The following ALDH1L1 variants were observed in gnomAD, a reference collection of about 807,000 sequenced individuals.
ALDH1L1 encodes aldehyde dehydrogenase 1 family member L1, also known as cytosolic 10-formyltetrahydrofolate dehydrogenase.
In ALDH1L1, 68 loss-of-function variants were observed where a neutral mutation model predicts 101.1. The observed-to-expected ratio is 0.67, with a 90% CI of 0.55 to 0.82. The LOEUF (loss-of-function observed/expected upper bound fraction) is 0.82. ALDH1L1 is among the 40% of genes least tolerant of loss of function. ALDH1L1 has a pLI of 0.00. For synonymous variants in ALDH1L1, 486 were observed against 470.8 expected, an observed-to-expected ratio of 1.03 and a Z score of -0.42; for missense variants, 1,087 against 1,172.7, an observed-to-expected ratio of 0.93 and a Z score of 1.07.
At chr3:126,196,887 G>A (rs903001529) in intron 1 of ALDH1L1, among the ~76,000 whole-genome samples, 1 of 152,164 alleles carries the variant, frequency 6.6e-6, no homozygotes, top group Non-Finnish European at 1.5e-5. Context: ...CTACAATACT[G>A]GGCAGTCTCC....
At chr3:126,170,629 A>T (rs1052992184) in intron 1 of ALDH1L1, among the ~76,000 whole-genome samples, 3 of 151,394 alleles carry the variant, frequency 2.0e-5, no homozygotes, top group Non-Finnish European at 2.9e-5. Context: ...AGACCAAAAA[A>T]CTCTCCACCC....
Position 126,171,821 on chromosome 3 carries a change from C to T in ALDH1L1, c.-24+8655G>A, listed in dbSNP as rs557282993. Among the ~76,000 whole-genome samples, 3 of 152,292 alleles carry T rather than the reference C, an allele frequency of 2.0e-5. No homozygotes were observed. In the South Asian group the frequency reaches 6.2e-4, roughly 32 times the overall value. On this transcript the variant is annotated intron_variant, in intron 1 of 22. Coordinates refer to ENST00000393434, the MANE Select transcript of ALDH1L1 (RefSeq NM_012190.4). ...GACTGAGAAACACTTGTGAAGGTCA[C>T]AGCCCAGGGGTGCAGGCTCACTGAA...
chr3:126,124,291 G>T, intron 16 of ALDH1L1, 73 bp downstream of exon 16: 1 of 1,368,254 alleles, frequency 7.3e-7, no homozygotes, highest in Non-Finnish European at 1.0e-6. Flanking sequence ...CCACTATCCA[G>T]TAGGGCCTGC....
At position 126,116,242 on chromosome 3, in the gene ALDH1L1, C is replaced by CTATT. The variant is rs575700824; in HGVS notation, c.1983-1590_1983-1587dup. 4.4e-3 allele frequency among the ~76,000 whole-genome samples: 650 copies of CTATT among 149,298 alleles called. 3 individuals carry two copies. Among genetic ancestry groups the CTATT allele is most frequent in the Non-Finnish European group, 6.4e-3 (429 of 67,252 alleles). ...GAGGTACTTTTTTTTTTGTTCTGTT[C>CTATT]TATTTATTTATTTATTTATTTGAGC... On this transcript the variant is annotated intron_variant, in intron 17 of 22. Transcript: ENST00000393434.
At chr3:126,135,725 C>T in intron 11 of ALDH1L1, 63 bp from the exon 12 acceptor site, 3 of 1,443,882 alleles carry the variant, frequency 2.1e-6, no homozygotes, top group Non-Finnish European at 1.8e-6. Context: ...ATACCCCTGC[C>T]TGCTTCCCTG....
At chr3:126,191,736 C>A (rs574143156) in intron 1 of ALDH1L1, among the ~76,000 whole-genome samples, 120 of 152,276 alleles carry the variant, frequency 7.9e-4, no homozygotes, top group African/African-American at 2.6e-3. Context: ...TCAGGTCATG[C>A]CTTAGAGTGA....
intron 22 of ALDH1L1, 94 bp downstream of exon 22, chr3:126,105,632 C>A (rs773629319): frequency 7.1e-6 from 10 of 1,410,378 alleles, no homozygotes; most frequent in Non-Finnish European, 1.0e-5. Flanking sequence ...GGCTACGTCC[C>A]TGCATCTGAG....
At chr3:126,168,552 A>AAACTT (rs1207584904) in intron 1 of ALDH1L1, among the ~76,000 whole-genome samples, 2 of 152,136 alleles carry the variant, frequency 1.3e-5, no homozygotes, top group African/African-American at 4.8e-5. Context: ...AAACAGAAAA[A>AAACTT]AACTTAACGG....
At chr3:126,170,420 T>C (rs1241084182) in intron 1 of ALDH1L1, among the ~76,000 whole-genome samples, 2 of 104,182 alleles carry the variant, frequency 1.9e-5, no homozygotes, top group Non-Finnish European at 3.7e-5. Flanking sequence ...CCTCTGCCTG[T>C]CATTAAAAAA....
chr3:126,167,853 A>G (rs769282741), intron 1 of ALDH1L1, among the ~76,000 whole-genome samples: 4 of 152,198 alleles, frequency 2.6e-5, no homozygotes, highest in Non-Finnish European at 5.9e-5. Flanking sequence ...TTGAAAAAAC[A>G]GCATTATATT....
chr3:126,132,206 A>T (rs1441280656), intron 12 of ALDH1L1, among the ~76,000 whole-genome samples: 1 of 152,210 alleles, frequency 6.6e-6, no homozygotes, highest in Non-Finnish European at 1.5e-5. Context: ...GGACAGGGAA[A>T]GTGGAGACCA....
rs2081027381 is a variant in ALDH1L1 at position 126,160,743 on chromosome 3, G to C, written c.127+110C>G. 7.4e-6 allele frequency: 11 copies of C among 1,495,116 alleles called. No individual in the cohort carries two copies. In the South Asian group the frequency reaches 9.2e-5, roughly 12 times the overall value. The allele number at this position is 1,495,116 out of a possible 1,614,324, so 92.6% of individuals were successfully genotyped here. On this transcript the variant is annotated intron_variant, in intron 2 of 22. Transcript: ENST00000393434. ...ACCACTTATGGCTGCCTCCCAGCTA[G>C]AGCACAGGCCCTGCAGACTTCTGCT... is the stretch of plus-strand genomic sequence containing the variant.
chr3:126,159,172 A>G (rs946148525), intron 2 of ALDH1L1, among the ~76,000 whole-genome samples: 6 of 152,032 alleles, frequency 3.9e-5, no homozygotes, highest in Non-Finnish European at 8.8e-5. Flanking sequence ...CAATGGCTAA[A>G]TCAGTTTTTC....
At chr3:126,159,283 T>A in intron 2 of ALDH1L1, 1 of 387,452 alleles carries the variant, frequency 2.6e-6, no homozygotes, top group Non-Finnish European at 5.1e-6. Context: ...GGGCCCCTCC[T>A]CCTGCCCCGT....
intron 1 of ALDH1L1, among the ~76,000 whole-genome samples, chr3:126,187,950 A>G (rs1270213960): frequency 6.6e-6 from 1 of 152,176 alleles, no homozygotes; most frequent in Non-Finnish European, 1.5e-5. Context: ...AGAAGAAAAA[A>G]AAAGATTTGT....
chr3:126,169,763 T>A (rs1395813957), intron 1 of ALDH1L1, among the ~76,000 whole-genome samples: 1 of 152,286 alleles, frequency 6.6e-6, no homozygotes, highest in East Asian at 1.9e-4. Flanking sequence ...ATGTAGCAAA[T>A]AATTATTATT....
At chr3:126,162,805 T>C (rs1196111204) in intron 1 of ALDH1L1, among the ~76,000 whole-genome samples, 2 of 152,234 alleles carry the variant, frequency 1.3e-5, no homozygotes, top group Admixed American at 6.5e-5. Context: ...TCATTCAAGA[T>C]CTTTATTGTT....
upstream of ALDH1L1, among the ~76,000 whole-genome samples, chr3:126,183,177 C>T (rs959218377): frequency 4.6e-5 from 7 of 152,254 alleles, no homozygotes; most frequent in Middle Eastern, 0.01. Context: ...AGTAGGATTT[C>T]TAAGAAGCTT....
intron 1 of ALDH1L1, among the ~76,000 whole-genome samples, chr3:126,179,140 C>T (rs919108697): frequency 1.3e-5 from 2 of 152,208 alleles, no homozygotes; most frequent in African/African-American, 4.8e-5. Flanking sequence ...CCTTGTGGGC[C>T]GTATGGGCCG....
Sources: gnomAD v4.1 joint callset for allele counts (sites outside exome capture counted in the v4.1 genomes callset) on GRCh38, gnomAD v4.1.1 for gene constraint, MANE v1.5 for transcripts, NCBI Gene and HGNC (gene_info 2026-07-23, HGNC 2026-07-21) for gene names.